Variants in DACH2 observed in about 807,000 individuals in gnomAD.
DACH2 encodes the protein dachshund family transcription factor 2.
A neutral mutation model predicts 35.8 loss-of-function variants in DACH2; 17 were observed. The ratio of observed to expected loss-of-function variants is 0.48; its 90% confidence interval spans 0.33 to 0.71. The LOEUF is 0.71. DACH2 is among the 30% of genes least tolerant of loss of function. The pLI, the probability that DACH2 is intolerant of heterozygous loss-of-function variation, is 0.02. For synonymous variants in DACH2, 195 were observed against 177.3 expected, an observed-to-expected ratio of 1.10 and a Z score of -0.79; for missense variants, 469 against 472.7, an observed-to-expected ratio of 0.99 and a Z score of 0.07.
intron 5 of DACH2, among the ~76,000 whole-genome samples, chrX:86,705,787 C>T (rs1001072000): frequency 4.5e-5 from 5 of 111,524 alleles, no homozygotes; most frequent in Admixed American, 3.8e-4. Flanking sequence ...AAGACACCTG[C>T]GCTTGTATGC....
At chrX:86,747,205 T>A (rs1820052587) in intron 7 of DACH2, among the ~76,000 whole-genome samples, 2 of 111,938 alleles carry the variant, frequency 1.8e-5, no homozygotes, top group South Asian at 7.4e-4. Flanking sequence ...TTTAGATCAG[T>A]TTCTGATAAG....
At chrX:86,474,484 T>C (rs2037810068) in intron 2 of DACH2, among the ~76,000 whole-genome samples, 1 of 112,129 alleles carries the variant, frequency 8.9e-6, no homozygotes, top group South Asian at 3.6e-4. Flanking sequence ...AGTAGATTTA[T>C]AGTTTGAGGT....
At chrX:86,756,697 C>T (rs185756054) in intron 7 of DACH2, among the ~76,000 whole-genome samples, 31 of 110,861 alleles carry the variant, frequency 2.8e-4, no homozygotes, top group Admixed American at 2.4e-3. Flanking sequence ...AATTTAACTC[C>T]TTCCTTTTCA....
At chrX:86,610,418 T>TTTCTTTCTTTCTTTCTTTCTTTCTTTC (rs1491456126) in intron 3 of DACH2, among the ~76,000 whole-genome samples, 1 of 62,207 alleles carries the variant, frequency 1.6e-5, no homozygotes, top group Non-Finnish European at 3.0e-5. Context: ...TCTTTCTTTC[T>TTTCTTTCTTTCTTTCTTTCTTTCTTTC]TTTCTTTCTT....
intron 1 of DACH2, among the ~76,000 whole-genome samples, chrX:86,205,242 C>T (rs1476973921): frequency 9.0e-6 from 1 of 111,185 alleles, no homozygotes; most frequent in Non-Finnish European, 1.9e-5. Context: ...TGGAAAGAGT[C>T]GTTCCACTTC....
intron 2 of DACH2, among the ~76,000 whole-genome samples, chrX:86,396,263 A>T (rs1412228893): frequency 9.7e-6 from 1 of 103,361 alleles, no homozygotes; most frequent in Non-Finnish European, 2.0e-5. Context: ...AATTTGTTTG[A>T]GTTCATTGTA....
intron 1 of DACH2, among the ~76,000 whole-genome samples, chrX:86,305,874 C>A (rs2148018316): frequency 9.0e-6 from 1 of 111,583 alleles, no homozygotes; most frequent in South Asian, 3.7e-4. Context: ...CAGGGAAATG[C>A]AAATCAAAAC....
intron 5 of DACH2, among the ~76,000 whole-genome samples, chrX:86,700,335 G>T (rs2041126806): frequency 9.0e-6 from 1 of 110,691 alleles, no homozygotes; most frequent in African/African-American, 3.3e-5. Flanking sequence ...TTGATGATTT[G>T]TCCAATACTG....
intron 1 of DACH2, among the ~76,000 whole-genome samples, chrX:86,262,340 A>G (rs2033642169): frequency 2.7e-5 from 3 of 111,761 alleles, no homozygotes; most frequent in Non-Finnish European, 5.6e-5. Flanking sequence ...AGCTAAGGAC[A>G]GGAGAGGGTG....
chrX:86,431,493 G>A (rs1412370540), intron 2 of DACH2, among the ~76,000 whole-genome samples: 2 of 111,443 alleles, frequency 1.8e-5, no homozygotes, highest in African/African-American at 6.5e-5. Flanking sequence ...TATATCTGAT[G>A]GAGAGCATGA....
chrX:86,772,477 A>G (rs2041996095), intron 7 of DACH2, among the ~76,000 whole-genome samples: 1 of 111,647 alleles, frequency 9.0e-6, no homozygotes, highest in Non-Finnish European at 1.9e-5. Context: ...ATATATAACT[A>G]AGAAAACCAT....
chrX:86,704,181 G>A (rs922371816), intron 5 of DACH2, among the ~76,000 whole-genome samples: 1 of 111,226 alleles, frequency 9.0e-6, no homozygotes, highest in Admixed American at 9.6e-5. Context: ...GCATCCAAAA[G>A]CATAAATTGG....
intron 2 of DACH2, among the ~76,000 whole-genome samples, chrX:86,442,282 G>A (rs767303707): frequency 1.3e-4 from 13 of 97,986 alleles, no homozygotes; most frequent in Non-Finnish European, 2.2e-4. Flanking sequence ...TTTTTTACCT[G>A]CCTGTTGGCC....
At chrX:86,453,246 T>C (rs2037413785) in intron 2 of DACH2, among the ~76,000 whole-genome samples, 1 of 112,144 alleles carries the variant, frequency 8.9e-6, no homozygotes, top group Non-Finnish European at 1.9e-5. Flanking sequence ...TGTAATCATA[T>C]TTAGATTAAG....
At chrX:86,607,640 A>C (rs976949737) in intron 3 of DACH2, among the ~76,000 whole-genome samples, 1 of 108,552 alleles carries the variant, frequency 9.2e-6, no homozygotes, top group Non-Finnish European at 1.9e-5. Flanking sequence ...CATGTTCACA[A>C]TGTGCAGGTT....
intron 2 of DACH2, among the ~76,000 whole-genome samples, chrX:86,477,673 A>G (rs1241057281): frequency 9.0e-6 from 1 of 110,617 alleles, no homozygotes; most frequent in Non-Finnish European, 1.9e-5. Context: ...TGTTATTACT[A>G]TAAATAAGGA....
chrX:86,762,401 A>G (rs752688039), intron 7 of DACH2, among the ~76,000 whole-genome samples: 1 of 111,536 alleles, frequency 9.0e-6, no homozygotes, highest in African/African-American at 3.3e-5. Flanking sequence ...CTGCTCATTA[A>G]TGGGCATGGA....
intron 1 of DACH2, among the ~76,000 whole-genome samples, chrX:86,326,137 C>T (rs1308686055): frequency 9.0e-6 from 1 of 111,491 alleles, no homozygotes; most frequent in Non-Finnish European, 1.9e-5. Context: ...ATGCAAATGG[C>T]ACATCCTAGA....
At chrX:86,318,533 A>G (rs1258000146) in intron 1 of DACH2, among the ~76,000 whole-genome samples, 7 of 111,788 alleles carry the variant, frequency 6.3e-5, no homozygotes, top group African/African-American at 1.3e-4. Flanking sequence ...GCTTACAATA[A>G]CCCAACATAA....
Sources: gnomAD v4.1 joint callset for allele counts (sites outside exome capture counted in the v4.1 genomes callset) on GRCh38, gnomAD v4.1.1 for gene constraint, MANE v1.5 for transcripts, NCBI Gene and HGNC (gene_info 2026-07-23, HGNC 2026-07-21) for gene names.